The following PLCB4 variants were observed in gnomAD, a reference collection of about 807,000 sequenced individuals.
PLCB4 encodes phospholipase C beta 4.
Under a neutral mutation model 178.8 loss-of-function variants are expected in PLCB4, and 77 were observed. The observed-to-expected ratio is 0.43, with a 90% CI of 0.36 to 0.52. The LOEUF (loss-of-function observed/expected upper bound fraction) is 0.52, where lower values mean the gene tolerates loss of function less well. Among genes scored for constraint, PLCB4 ranks in the 20% least tolerant of loss-of-function variants. PLCB4 has a pLI of 0.00. For synonymous variants in PLCB4, 496 were observed against 490.8 expected, an observed-to-expected ratio of 1.01 and a Z score of -0.14; for missense variants, 1,024 against 1,453.4, an observed-to-expected ratio of 0.70 and a Z score of 4.80.
At chr20:9,199,444 G>C (rs556766231) in intron 2 of PLCB4, among the ~76,000 whole-genome samples, 6 of 152,150 alleles carry the variant, frequency 3.9e-5, no homozygotes, top group Non-Finnish European at 8.8e-5. Context: ...TTGAGTATTT[G>C]ATTCCAAGTT....
chr20:9,170,415 A>T (rs1286707530), intron 2 of PLCB4, among the ~76,000 whole-genome samples: 1 of 152,132 alleles, frequency 6.6e-6, no homozygotes, highest in Non-Finnish European at 1.5e-5. Context: ...ATTGATTCTT[A>T]TCATGTTTTA....
At chr20:9,225,763 AT>A (rs1196578968) in intron 3 of PLCB4, among the ~76,000 whole-genome samples, 1 of 152,208 alleles carries the variant, frequency 6.6e-6, no homozygotes, top group African/African-American at 2.4e-5. Context: ...ATCTGCTTCT[AT>A]AAGAGAGAGG....
chr20:9,092,355 CTTG>C (rs1472883419), intron 1 of PLCB4, among the ~76,000 whole-genome samples: 2 of 152,086 alleles, frequency 1.3e-5, no homozygotes, highest in South Asian at 2.1e-4. Flanking sequence ...AGTGATGTGC[CTTG>C]TTGTTTCTGA....
intron 32 of PLCB4, among the ~76,000 whole-genome samples, chr20:9,445,207 C>T (rs2042343077): frequency 6.6e-6 from 1 of 152,152 alleles, no homozygotes; most frequent in African/African-American, 2.4e-5. Context: ...TACCTCTTTC[C>T]TTCCTAAGAA....
At chr20:9,206,147 C>T (rs2093610943) in intron 2 of PLCB4, among the ~76,000 whole-genome samples, 1 of 151,956 alleles carries the variant, frequency 6.6e-6, no homozygotes, top group Non-Finnish European at 1.5e-5. Flanking sequence ...TTTAGGTATT[C>T]CTGTGTTAAA....
At chr20:9,144,828 C>G (rs529310022) in intron 2 of PLCB4, among the ~76,000 whole-genome samples, 1 of 151,324 alleles carries the variant, frequency 6.6e-6, no homozygotes, top group Non-Finnish European at 1.5e-5. Flanking sequence ...AAATTAAGTC[C>G]CAGAGAACAA....
chr20:9,085,557 A>G (rs1057252847), intron 1 of PLCB4, among the ~76,000 whole-genome samples: 1 of 152,150 alleles, frequency 6.6e-6, no homozygotes, highest in African/African-American at 2.4e-5. Context: ...TAAAATTAGT[A>G]TCTAAGCAAT....
chr20:9,291,929 C>T (rs1473397824), intron 3 of PLCB4, among the ~76,000 whole-genome samples: 1 of 152,160 alleles, frequency 6.6e-6, no homozygotes, highest in Non-Finnish European at 1.5e-5. Flanking sequence ...TTATCCTCTT[C>T]TTATGACTCC....
intron 3 of PLCB4, among the ~76,000 whole-genome samples, chr20:9,286,811 C>T (rs2094540237): frequency 6.6e-6 from 1 of 151,928 alleles, no homozygotes; most frequent in Admixed American, 6.6e-5. Context: ...TTTGAAGCGC[C>T]ATCAGTATCT....
intron 2 of PLCB4, among the ~76,000 whole-genome samples, chr20:9,174,719 T>A (rs1325156988): frequency 6.6e-6 from 1 of 152,190 alleles, no homozygotes; most frequent in Non-Finnish European, 1.5e-5. Flanking sequence ...AATTGTCTTA[T>A]CTTTGTCATC....
chr20:9,359,323 A>C (rs2148214172), intron 7 of PLCB4, among the ~76,000 whole-genome samples: 1 of 152,206 alleles, frequency 6.6e-6, no homozygotes, highest in East Asian at 1.9e-4. Flanking sequence ...CCCAGAGGAG[A>C]GGTCAAAAGC....
chr20:9,265,682 A>G (rs2094342496), intron 3 of PLCB4, among the ~76,000 whole-genome samples: 1 of 152,152 alleles, frequency 6.6e-6, no homozygotes, highest in African/African-American at 2.4e-5. Flanking sequence ...GAGGGCTTGG[A>G]GAATATTAAT....
chr20:9,106,283 A>G (rs1313668372), intron 2 of PLCB4, among the ~76,000 whole-genome samples: 1 of 151,822 alleles, frequency 6.6e-6, no homozygotes, highest in Admixed American at 6.6e-5. Flanking sequence ...TTGCATCAAA[A>G]GTCATGGCAA....
intron 3 of PLCB4, among the ~76,000 whole-genome samples, chr20:9,245,597 G>T (rs955088541): frequency 6.6e-6 from 1 of 152,136 alleles, no homozygotes; most frequent in African/African-American, 2.4e-5. Context: ...CTCAAGCCAA[G>T]GAATGCTTCC....
intron 7 of PLCB4, among the ~76,000 whole-genome samples, chr20:9,343,175 G>A (rs1054385559): frequency 2.0e-5 from 3 of 152,028 alleles, no homozygotes; most frequent in African/African-American, 7.2e-5. Flanking sequence ...TTGCTTATGA[G>A]TATCCTATGA....
At chr20:9,370,481 G>T (rs184302951) in intron 9 of PLCB4, among the ~76,000 whole-genome samples, 1 of 152,156 alleles carries the variant, frequency 6.6e-6, no homozygotes, top group African/African-American at 2.4e-5. Flanking sequence ...GTAAGGGGCC[G>T]CCTCCTTTTC....
At chr20:9,456,130 C>G (rs1191414338) in intron 33 of PLCB4, among the ~76,000 whole-genome samples, 1 of 152,168 alleles carries the variant, frequency 6.6e-6, no homozygotes, top group Non-Finnish European at 1.5e-5. Flanking sequence ...GCCACTGCAC[C>G]CAGCCTTCCT....
intron 19 of PLCB4, among the ~76,000 whole-genome samples, chr20:9,399,605 AGG>A (rs1172339580): frequency 1.3e-5 from 2 of 152,208 alleles, no homozygotes; most frequent in Non-Finnish European, 2.9e-5. Flanking sequence ...CTCCCAGGAT[AGG>A]AGACAAGTAG....
intron 7 of PLCB4, among the ~76,000 whole-genome samples, chr20:9,345,254 T>C (rs191160946): frequency 1.3e-5 from 2 of 152,166 alleles, no homozygotes; most frequent in East Asian, 1.9e-4. Context: ...GAAATAAAGC[T>C]CTTTTTTTTT....
Sources: gnomAD v4.1 joint callset for allele counts (sites outside exome capture counted in the v4.1 genomes callset) on GRCh38, gnomAD v4.1.1 for gene constraint, MANE v1.5 for transcripts, NCBI Gene and HGNC (gene_info 2026-07-23, HGNC 2026-07-21) for gene names.